DIAPH3: variants seen among roughly 807,000 people sequenced by gnomAD.
DIAPH3 encodes the protein protein diaphanous homolog 3.
In DIAPH3, 117 loss-of-function variants were observed where a neutral mutation model predicts 144.3. That is an observed-to-expected ratio of 0.81 (90% CI 0.70 to 0.95). DIAPH3 has a LOEUF of 0.95. DIAPH3 is among the 40% of genes least tolerant of loss of function. The pLI, the probability that DIAPH3 is intolerant of heterozygous loss-of-function variation, is 0.00. For synonymous variants in DIAPH3, 519 were observed against 488.9 expected (o/e 1.06, Z -0.81); for missense variants, 1,421 against 1,412.7 (o/e 1.01, Z -0.09).
intron 24 of DIAPH3, among the ~76,000 whole-genome samples, chr13:59,824,468 G>A (rs1267439837): frequency 1.3e-5 from 2 of 152,076 alleles, no homozygotes; most frequent in African/African-American, 4.8e-5. Context: ...CCACTAGAAC[G>A]GCAAACAGCA....
chr13:60,128,384 T>C (rs75305715), intron 2 of DIAPH3, among the ~76,000 whole-genome samples: 3,714 of 152,308 alleles, frequency 0.024, 120 homozygotes, highest in African/African-American at 0.084. Context: ...TGTACATGTG[T>C]CTTTATGGTA....
intron 12 of DIAPH3, among the ~76,000 whole-genome samples, chr13:59,989,072 A>T (rs1473365837): frequency 6.6e-6 from 1 of 151,928 alleles, no homozygotes; most frequent in Non-Finnish European, 1.5e-5. Context: ...GTTTGTAAAA[A>T]GAAAAAGAAA....
rs555685401 is a variant in DIAPH3 at position 59,808,472 on chromosome 13, T to G, written c.3163+2316A>C. ...CAACCAAGGCACAATCATAACCCAA[T>G]GTTGAAAGTTGAGAAAATTAAAGTT... On this transcript the variant is annotated intron_variant, in intron 25 of 27. Coordinates refer to ENST00000400324, the MANE Select transcript of DIAPH3 (RefSeq NM_001042517.2). Among the ~76,000 whole-genome samples the G allele has an allele frequency of 2.0e-5, 3 of 152,100 alleles. No individual in the cohort carries two copies. The South Asian group carries it at 6.2e-4, about 32-fold the overall frequency.
intron 5 of DIAPH3, among the ~76,000 whole-genome samples, chr13:60,016,835 C>G (rs932316879): frequency 6.6e-6 from 1 of 152,306 alleles, no homozygotes; most frequent in Middle Eastern, 3.4e-3. Context: ...CATAAACCCA[C>G]TGACCCAATC....
intron 4 of DIAPH3, among the ~76,000 whole-genome samples, chr13:60,084,601 GAAAA>G (rs536170595): frequency 1.4e-5 from 2 of 147,772 alleles, no homozygotes; most frequent in Non-Finnish European, 3.0e-5. Context: ...GTTTCCCAAG[GAAAA>G]AAAAAATCCA....
intron 19 of DIAPH3, among the ~76,000 whole-genome samples, chr13:59,914,129 A>C (rs2140248916): frequency 6.6e-6 from 1 of 152,312 alleles, no homozygotes; most frequent in Middle Eastern, 3.4e-3. Flanking sequence ...TGGCAAAACA[A>C]TGACATACTG....
intron 27 of DIAPH3, among the ~76,000 whole-genome samples, chr13:59,673,851 G>A (rs1029081803): frequency 3.3e-5 from 5 of 152,194 alleles, no homozygotes; most frequent in East Asian, 3.8e-4. Context: ...AGGCTGATGC[G>A]TCCCTAAGGA....
intron 27 of DIAPH3, among the ~76,000 whole-genome samples, chr13:59,727,377 T>G (rs2035655037): frequency 1.3e-5 from 2 of 152,234 alleles, no homozygotes; most frequent in South Asian, 4.1e-4. Context: ...TTCCCAAATG[T>G]CTGCCTAAAA....
At position 60,163,658 on chromosome 13, in the gene DIAPH3, G is replaced by A. The variant is rs772192013; in HGVS notation, c.109C>T (p.Arg37Cys). ...GGAGGGTGTTGGGGGCCCTTCCTGC[G>A]CGGCATCTTGCTTTCCCGGCAGCCG... ...LRGCRESKMP[R>C]RKGPQHPPPP... The change falls in exon 1 of 28, where the codon CGC becomes TGC. Residue 37 changes from arginine (R) to cysteine (C), a missense_variant. Physicochemically the swap from Arg to Cys is radical, Grantham distance 180. Coordinates refer to ENST00000400324, the MANE Select transcript of DIAPH3 (RefSeq NM_001042517.2). 2.5e-6 allele frequency: 4 copies of A among 1,607,954 alleles called. No homozygotes were observed. The highest frequency in any genetic ancestry group is 3.4e-6 in the Non-Finnish European group (4 of 1,175,698).
chr13:60,050,473 T>C (rs983746217), intron 4 of DIAPH3, among the ~76,000 whole-genome samples: 2 of 152,128 alleles, frequency 1.3e-5, no homozygotes, highest in African/African-American at 2.4e-5. Flanking sequence ...TGTTTTTGTA[T>C]GATCTTGGGG....
intron 25 of DIAPH3, among the ~76,000 whole-genome samples, chr13:59,784,994 T>G (rs2038957062): frequency 6.6e-6 from 1 of 152,148 alleles, no homozygotes; most frequent in South Asian, 2.1e-4. Flanking sequence ...AGAACAAAGC[T>G]CAAAATGCTA....
chr13:60,057,727 G>A lies in DIAPH3; in HGVS notation c.496-14907C>T, dbSNP rs117064953. Among the ~76,000 whole-genome samples, 1,066 of 151,796 alleles carry A rather than the reference G, an allele frequency of 7.0e-3. 2 individuals are homozygous for A. Among genetic ancestry groups the A allele is most frequent in the Middle Eastern group, 0.024 (7 of 292 alleles). On this transcript the variant is annotated intron_variant, in intron 4 of 27. Transcript: ENST00000400324. ...AGACCAAGGGAACAGCATAGAGAACGCAGGAATAAAGCCAAATACTTACAA... is the reference window on the plus strand; with the variant it reads ...AGACCAAGGGAACAGCATAGAGAACACAGGAATAAAGCCAAATACTTACAA...
intron 27 of DIAPH3, among the ~76,000 whole-genome samples, chr13:59,735,974 T>C (rs2036131492): frequency 6.6e-6 from 1 of 152,088 alleles, no homozygotes; most frequent in Non-Finnish European, 1.5e-5. Context: ...CCAGTGTGTG[T>C]TGTTCCCCTC....
intron 5 of DIAPH3, chr13:60,034,890 G>C (rs2055094533): frequency 6.6e-6 from 1 of 152,184 alleles, no homozygotes. Context: ...AGCTCTCGTA[G>C]TTATATGAAA....
intron 24 of DIAPH3, among the ~76,000 whole-genome samples, chr13:59,820,651 T>G (rs1293161592): frequency 6.6e-6 from 1 of 151,646 alleles, no homozygotes; most frequent in East Asian, 1.9e-4. Flanking sequence ...AAAAGCATTA[T>G]AAACAGCCTA....
chr13:60,005,960 A>G (rs2052848397), intron 9 of DIAPH3, among the ~76,000 whole-genome samples: 1 of 152,130 alleles, frequency 6.6e-6, no homozygotes, highest in East Asian at 1.9e-4. Context: ...CTTTTAACTG[A>G]TAGTTCTCTT....
At chr13:60,012,125 T>C (rs1566655151) in intron 7 of DIAPH3, among the ~76,000 whole-genome samples, 1 of 152,202 alleles carries the variant, frequency 6.6e-6, no homozygotes, top group Non-Finnish European at 1.5e-5. Flanking sequence ...TGAAGTTGAA[T>C]CTATAACCAG....
intron 22 of DIAPH3, among the ~76,000 whole-genome samples, chr13:59,840,585 C>T (rs1207991291): frequency 1.3e-5 from 2 of 151,546 alleles, no homozygotes; most frequent in Non-Finnish European, 2.9e-5. Context: ...CAGAAAATAA[C>T]ATTTGGTATT....
At chr13:60,004,171 C>T (rs2052713004) in intron 9 of DIAPH3, among the ~76,000 whole-genome samples, 1 of 152,102 alleles carries the variant, frequency 6.6e-6, no homozygotes, top group Non-Finnish European at 1.5e-5. Context: ...CTATTTTATT[C>T]ACCAATAAAC....
Sources: allele counts gnomAD v4.1 joint callset (sites outside exome capture counted in the v4.1 genomes callset), GRCh38; gene constraint gnomAD v4.1.1; transcripts MANE v1.5; gene names NCBI Gene and HGNC (gene_info 2026-07-23, HGNC 2026-07-21).